B9D1: variants seen among roughly 807,000 people sequenced by gnomAD.
B9D1 encodes the protein B9 domain-containing protein 1.
A neutral mutation model predicts 26.1 loss-of-function variants in B9D1; 20 were observed. The observed-to-expected ratio is 0.77, with a 90% confidence interval of 0.54 to 1.12. The LOEUF is 1.12. Ranked by LOEUF, B9D1 falls within the 50% of genes most tolerant of loss-of-function variation. The probability of loss-of-function intolerance (pLI) is 0.00; values close to 1 mark genes in which losing one functional copy is unlikely to be tolerated. For synonymous variants in B9D1, 105 were observed against 103.1 expected, an observed-to-expected ratio of 1.02 and a Z score of -0.11; for missense variants, 260 against 273.7, an observed-to-expected ratio of 0.95 and a Z score of 0.35.
downstream of B9D1, chr17:19,335,495 C>T: frequency 6.5e-7 from 1 of 1,544,442 alleles, no homozygotes; most frequent in Non-Finnish European, 8.7e-7. Context: ...TCTCCTCTGT[C>T]TTAATCCACG....
chr17:19,343,634 C>A, intron 6 of B9D1, 156 bp downstream of exon 6: 1 of 1,580,694 alleles, frequency 6.3e-7, no homozygotes. Context: ...CATGACAAAC[C>A]CTCTGTGCTC....
intron 3 of B9D1, 82 bp downstream of exon 3, chr17:19,357,758 G>T: frequency 1.0e-6 from 1 of 993,632 alleles, no homozygotes; most frequent in Non-Finnish European, 1.6e-6. Flanking sequence ...GAACAGTCAT[G>T]GGCTGGATGA....
chr17:19,335,449 A>C (rs992347222), downstream of B9D1: 8 of 1,549,968 alleles, frequency 5.2e-6, no homozygotes, highest in Non-Finnish European at 7.0e-6. Flanking sequence ...GGAAATCTGA[A>C]ATGGAAGAAA....
downstream of B9D1, among the ~76,000 whole-genome samples, chr17:19,339,210 A>T (rs1318266068): frequency 6.6e-6 from 1 of 152,152 alleles, no homozygotes; most frequent in Non-Finnish European, 1.5e-5. Context: ...CAACCTTTTG[A>T]TGCTAATTTT....
rs750480029 is a variant in B9D1 at position 19,347,951 on chromosome 17, G to A, written c.245-71C>T. Reference sequence around the variant, plus strand: ...GGAGGTGCAGGGCAGAGAACAGGGCGTGTCCAGCTGAGGGTGCTCAAAGGA... The same window carrying A: ...GGAGGTGCAGGGCAGAGAACAGGGCATGTCCAGCTGAGGGTGCTCAAAGGA... On this transcript the variant is annotated intron_variant, in intron 3 of 6. Coordinates refer to ENST00000261499, the MANE Select transcript of B9D1 (RefSeq NM_015681.6). This position sits in a 1 kb window ranked among gnomAD's most constrained non-coding sequence, Gnocchi z 4.3. The A allele has an allele frequency of 1.6e-5, 22 of 1,342,664 alleles. No homozygotes were observed. The highest frequency in any genetic ancestry group is 3.6e-5 in the Admixed American group (2 of 55,496). The allele number at this position is 1,342,664 out of a possible 1,614,324, so 83.2% of individuals were successfully genotyped here.
At chr17:19,377,571 G>C (rs1377715144) in intron 1 of B9D1, 1 of 153,148 alleles carries the variant, frequency 6.5e-6, no homozygotes, top group African/African-American at 2.4e-5. Context: ...GCCCTACCTC[G>C]AGCTCCCTTT....
At position 19,357,974 on chromosome 17, in the gene B9D1, G is replaced by A. The variant is rs372792768; in HGVS notation, c.133-23C>T. The A allele has an allele frequency of 1.2e-4, 196 of 1,590,258 alleles. 1 individual carries two copies. Among genetic ancestry groups the A allele is most frequent in the Non-Finnish European group, 1.5e-4 (178 of 1,158,576 alleles). On this transcript the variant is annotated intron_variant, in intron 2 of 6. Coordinates refer to ENST00000261499, the MANE Select transcript of B9D1 (RefSeq NM_015681.6). ...ACCCTGTGAGGACAGTGACACAGAC[G>A]GCTGGATTCAGAGCAGAGCCAAGCT...
rs572282458 is a variant in B9D1, at chr17:19,350,095, G to C, written c.245-2215C>G. On this transcript the variant is annotated intron_variant, in intron 3 of 6. Transcript: ENST00000261499. ...CCACTGCACTCCAGCCTGGGCGACA[G>C]AGCGAAATTCTGTCTCAAAAAAAAA... 4.2e-3 allele frequency among the ~76,000 whole-genome samples: 630 copies of C among 151,768 alleles called. 14 individuals carry two copies. Among genetic ancestry groups the C allele is most frequent in the Non-Finnish European group, 7.1e-4 (48 of 67,930 alleles).
At chr17:19,337,699 C>T (rs773605599), downstream of B9D1, 37 of 1,532,296 alleles carry the variant, frequency 2.4e-5, no homozygotes, top group East Asian at 1.2e-4. Flanking sequence ...GGACTCAAGC[C>T]GCTTTCATCT....
upstream of B9D1, chr17:19,362,953 A>G: frequency 2.8e-6 from 1 of 360,020 alleles, no homozygotes; most frequent in Non-Finnish European, 5.5e-6. Context: ...GAGGCGAATG[A>G]GAGCTGAGTC....
intron 6 of B9D1, 85 bp downstream of exon 6, chr17:19,343,705 G>T: frequency 3.1e-6 from 5 of 1,613,078 alleles, no homozygotes; most frequent in Non-Finnish European, 4.2e-6. Flanking sequence ...GCAGGTCCCC[G>T]GCATTCACCC....
Position 19,362,705 on chromosome 17 carries a change from G to C in B9D1, c.-136C>G, listed in dbSNP as rs1167549912. 1.3e-6 allele frequency: 2 copies of C among 1,527,884 alleles called. No homozygotes were observed. Among genetic ancestry groups the C allele is most frequent in the East Asian group, 2.5e-5 (1 of 40,202 alleles). 94.6% of individuals were successfully genotyped at this position (1,527,884 alleles called of 1,614,324 possible). ...AGCGACACCTTCGCGAAGGCCACGC[G>C]AGTGCGCGTGTGGCATGCGCAGGCG... On this transcript the variant is annotated 5_prime_UTR_variant, in exon 1 of 7. Transcript: ENST00000261499.
chr17:19,352,266 GCTTT>G (rs1460835623), intron 3 of B9D1, among the ~76,000 whole-genome samples: 2 of 151,968 alleles, frequency 1.3e-5, no homozygotes, highest in Non-Finnish European at 2.9e-5. Context: ...TTGTAAGTGT[GCTTT>G]CTGTTTAATG....
chr17:19,354,838 G>GA (rs1258247897), intron 3 of B9D1, among the ~76,000 whole-genome samples: 1 of 151,954 alleles, frequency 6.6e-6, no homozygotes, highest in East Asian at 1.9e-4. Context: ...GAAAAAAAGA[G>GA]AAAAAAAAGA....
At chr17:19,367,342 G>A (rs1911651401), upstream of B9D1, among the ~76,000 whole-genome samples, 1 of 127,932 alleles carries the variant, frequency 7.8e-6, no homozygotes, top group African/African-American at 3.0e-5. Flanking sequence ...ACAGAGTTTC[G>A]CTCTTGTTGC....
upstream of B9D1, chr17:19,362,844 T>C: frequency 1.2e-6 from 1 of 841,582 alleles, no homozygotes; most frequent in South Asian, 1.6e-5. Flanking sequence ...AGCGTTGACC[T>C]GTCGGGTAAA....
chr17:19,364,829 C>G (rs1911500232), upstream of B9D1, among the ~76,000 whole-genome samples: 1 of 152,244 alleles, frequency 6.6e-6, no homozygotes, highest in African/African-American at 2.4e-5. This position sits in a 1 kb window ranked among gnomAD's most constrained non-coding sequence, Gnocchi z 4.3. Flanking sequence ...CTCAGGGAAG[C>G]TTCCAGCACA....
At chr17:19,354,722 A>G (rs1910093632) in intron 3 of B9D1, among the ~76,000 whole-genome samples, 4 of 152,138 alleles carry the variant, frequency 2.6e-5, no homozygotes, top group Admixed American at 2.6e-4. Flanking sequence ...CCAGCTACTC[A>G]GGAGGCTGAG....
intron 2 of B9D1, among the ~76,000 whole-genome samples, chr17:19,360,060 C>T (rs1406362910): frequency 6.6e-6 from 1 of 152,150 alleles, no homozygotes; most frequent in African/African-American, 2.4e-5. Flanking sequence ...GGCCTGCCTC[C>T]TACTGCAGGT....
Sources: gnomAD v4.1 joint callset for allele counts (sites outside exome capture counted in the v4.1 genomes callset) on GRCh38, gnomAD v4.1.1 for gene constraint, Gnocchi (gnomAD v3.1) non-coding constraint, MANE v1.5 for transcripts, NCBI Gene and HGNC (gene_info 2026-07-23, HGNC 2026-07-21) for gene names.